The following KDM3B variants were observed in gnomAD, a reference collection of about 807,000 sequenced individuals.
KDM3B encodes lysine-specific demethylase 3B.
KDM3B carries 10 observed loss-of-function variants against 170.0 expected under a neutral mutation model. That is an observed-to-expected ratio of 0.06 (90% confidence interval 0.04 to 0.10). The LOEUF (loss-of-function observed/expected upper bound fraction) is 0.10. KDM3B is among the 10% of genes least tolerant of loss of function. KDM3B has a pLI of 1.00. For missense variants in KDM3B, 1,394 were observed against 2,195.2 expected (o/e 0.64, Z 7.29); for synonymous variants, 831 against 834.8 (o/e 1.00, Z 0.08).
intron 15 of KDM3B, among the ~76,000 whole-genome samples, chr5:138,421,438 G>A (rs1763271518): frequency 6.6e-6 from 1 of 152,144 alleles, no homozygotes; most frequent in Non-Finnish European, 1.5e-5. Context: ...TTTGGGACTC[G>A]CCTGTCTTAC....
At chr5:138,398,887 C>CTTTTTT (rs537795731) in intron 10 of KDM3B, among the ~76,000 whole-genome samples, 8 of 120,172 alleles carry the variant, frequency 6.7e-5, no homozygotes, top group Non-Finnish European at 1.2e-4. Context: ...TCCTAAATTT[C>CTTTTTT]TTTTTTTTTT....
At chr5:138,380,885 T>C (rs1762109859) in intron 5 of KDM3B, among the ~76,000 whole-genome samples, 1 of 151,482 alleles carries the variant, frequency 6.6e-6, no homozygotes, top group Non-Finnish European at 1.5e-5. Context: ...TTTTTTTTTT[T>C]CTTTTTGAGA....
At chr5:138,416,588 C>CAAAAAAAAAAAAAAAAAAAAA (rs545925296) in intron 12 of KDM3B, among the ~76,000 whole-genome samples, 1 of 84,226 alleles carries the variant, frequency 1.2e-5, no homozygotes, top group Non-Finnish European at 2.3e-5. Context: ...GACTCTGTCT[C>CAAAAAAAAAAAAAAAAAAAAA]AAAAAAAAAA....
Position 138,393,210 on chromosome 5 carries a change from A to G in KDM3B, c.2669A>G (p.Lys890Arg). 1 of 1,614,206 alleles carries G rather than the reference A, an allele frequency of 6.2e-7. No individual in the cohort carries two copies. The highest frequency in any genetic ancestry group is 8.5e-7 in the Non-Finnish European group (1 of 1,180,048). The change falls in exon 9 of 24, where the codon AAG becomes AGG. Residue 890 changes from lysine (K) to arginine (R), a missense_variant. Physicochemically the swap from Lys to Arg is conservative, Grantham distance 26. Transcript: ENST00000314358. ...SVLKDVSKVK[K>R]LKQSGEPFLQ... ...CTGAAAGATGTAAGCAAAGTGAAGA[A>G]GCTGAAGCAATCTGGAGAGCCCTTC...
chr5:138,435,322 T>C (rs1763645627), intron 23 of KDM3B, among the ~76,000 whole-genome samples: 1 of 152,172 alleles, frequency 6.6e-6, no homozygotes, highest in South Asian at 2.1e-4. Context: ...ACCTACCTCA[T>C]AGGATTCTGT....
intron 2 of KDM3B, among the ~76,000 whole-genome samples, chr5:138,373,332 C>A (rs376814989): frequency 1.7e-4 from 26 of 152,076 alleles, no homozygotes; most frequent in African/African-American, 6.0e-4. Context: ...GAGTGAGACC[C>A]CTGTCTCAAA....
At chr5:138,368,080 C>T (rs945281878) in intron 1 of KDM3B, among the ~76,000 whole-genome samples, 4 of 152,002 alleles carry the variant, frequency 2.6e-5, no homozygotes, top group African/African-American at 9.7e-5. Flanking sequence ...GATTATCAAC[C>T]TCCCTTGGTC....
chr5:138,431,319 T>C, intron 22 of KDM3B, 106 bp from the exon 23 acceptor site: 1 of 928,068 alleles, frequency 1.1e-6, no homozygotes, highest in Non-Finnish European at 1.6e-6. Flanking sequence ...AATGGAAATA[T>C]TATACCTATT....
At chr5:138,373,325 T>A (rs1761918904) in intron 2 of KDM3B, among the ~76,000 whole-genome samples, 1 of 151,968 alleles carries the variant, frequency 6.6e-6, no homozygotes, top group African/African-American at 2.4e-5. Context: ...GGGGACAGAG[T>A]GAGACCCCTG....
intron 1 of KDM3B, among the ~76,000 whole-genome samples, chr5:138,362,475 A>G (rs917875945): frequency 6.6e-6 from 1 of 151,046 alleles, no homozygotes; most frequent in African/African-American, 2.4e-5. Context: ...CCCAAAAATC[A>G]TTAAGTCGGG....
chr5:138,401,190 G>C (rs1762684510), intron 11 of KDM3B, among the ~76,000 whole-genome samples: 1 of 149,582 alleles, frequency 6.7e-6, no homozygotes, highest in Non-Finnish European at 1.5e-5. Flanking sequence ...AGAATCGCTT[G>C]AACCCGGGAG....
At position 138,429,982 on chromosome 5, in the gene KDM3B, G is replaced by T. The variant is rs1435457554; in HGVS notation, c.4893+17G>T. On this transcript the variant is annotated intron_variant, in intron 21 of 23. Transcript: ENST00000314358. ...CTCCGAAAGGTACGCCCCTGGGTGG[G>T]CTGTGCTCCCAGCTCACATATCAAG... 1 of 1,613,248 alleles carries T rather than the reference G, an allele frequency of 6.2e-7. No individual in the cohort carries two copies. The highest frequency in any genetic ancestry group is 1.7e-5 in the Admixed American group (1 of 59,970).
At chr5:138,388,398 C>T (rs183936826) in intron 7 of KDM3B, among the ~76,000 whole-genome samples, 7 of 151,938 alleles carry the variant, frequency 4.6e-5, no homozygotes, top group Non-Finnish European at 7.4e-5. Flanking sequence ...TTTGGGAGGC[C>T]GAGGCGGGCG....
intron 1 of KDM3B, among the ~76,000 whole-genome samples, chr5:138,359,465 CTTT>C (rs35535602): frequency 5.9e-4 from 70 of 119,560 alleles, no homozygotes; most frequent in South Asian, 1.8e-3. Context: ...CCCCCCCCAC[CTTT>C]TTTTTTTTTT....
chr5:138,378,418 A>G (rs943421991), intron 4 of KDM3B, among the ~76,000 whole-genome samples: 5 of 152,202 alleles, frequency 3.3e-5, no homozygotes, highest in Non-Finnish European at 5.9e-5. Flanking sequence ...ACTCATTCAC[A>G]TTAAAAGCTT....
intron 1 of KDM3B, among the ~76,000 whole-genome samples, chr5:138,362,585 C>CACAA (rs994806770): frequency 1.5e-5 from 1 of 67,068 alleles, no homozygotes; most frequent in Non-Finnish European, 4.3e-5. Context: ...CACACACACA[C>CACAA]AAAATATCTT....
rs767081180 is a variant in KDM3B, at chr5:138,375,120, G to C, written c.388G>C (p.Gly130Arg). Residue 130 changes from glycine (G) to arginine (R), a missense_variant, in exon 3 of 24, where the codon GGT becomes CGT. Physicochemically the swap from Gly to Arg is moderately radical, Grantham distance 125 (BLOSUM62 -2). Around this residue, in one of 19 missense-constraint regions of KDM3B, gnomAD observed 166 missense variants for 216.4 expected, o/e 0.77. Coordinates refer to ENST00000314358, the MANE Select transcript of KDM3B (RefSeq NM_016604.4). ...LTFTPLVDKLGLGSVVPVEYL... is the reference protein window; with the variant it reads ...LTFTPLVDKLRLGSVVPVEYL... Reference sequence around the variant, plus strand: ...TTTTACTCCCCTTGTAGATAAACTGGGTTTGGGTTCTGTGGTTCCAGTGGA... The same window carrying C: ...TTTTACTCCCCTTGTAGATAAACTGCGTTTGGGTTCTGTGGTTCCAGTGGA... 1 of 1,612,644 alleles carries C rather than the reference G, an allele frequency of 6.2e-7. No homozygotes were observed. The highest frequency in any genetic ancestry group is 8.5e-7 in the Non-Finnish European group (1 of 1,178,776).
intron 22 of KDM3B, 55 bp downstream of exon 22, chr5:138,430,480 G>A: frequency 6.7e-7 from 1 of 1,491,268 alleles, no homozygotes. Context: ...TCTTATTTCT[G>A]CTTTTCTTGC....
At chr5:138,374,962 TA>T in intron 2 of KDM3B, 130 bp from the exon 3 acceptor site, 2 of 596,358 alleles carry the variant, frequency 3.4e-6, no homozygotes, top group Non-Finnish European at 6.1e-6. Context: ...TCCAAGGACT[TA>T]TGCTTTAGCT....
Sources: allele counts gnomAD v4.1 joint callset (sites outside exome capture counted in the v4.1 genomes callset), GRCh38; gene constraint gnomAD v4.1.1; regional missense constraint gnomAD v4.1.1; transcripts MANE v1.5; gene names NCBI Gene and HGNC (gene_info 2026-07-23, HGNC 2026-07-21).